The following RNF111 variants were observed in gnomAD, a reference collection of about 807,000 sequenced individuals.
RNF111 encodes the protein E3 ubiquitin-protein ligase Arkadia.
Under a neutral mutation model 95.1 loss-of-function variants are expected in RNF111, and 17 were observed. That is an observed-to-expected ratio of 0.18 (90% CI 0.12 to 0.27). The LOEUF is 0.27. Among genes scored for constraint, RNF111 ranks in the 10% least tolerant of loss-of-function variants. The pLI, the probability that RNF111 is intolerant of heterozygous loss-of-function variation, is 1.00. For synonymous variants in RNF111, 440 were observed against 414.8 expected (o/e 1.06, Z -0.74); for missense variants, 1,189 against 1,210.4 (o/e 0.98, Z 0.26).
chr15:59,093,749 T>G (rs545105658), intron 13 of RNF111, among the ~76,000 whole-genome samples: 29 of 152,148 alleles, frequency 1.9e-4, no homozygotes, highest in Non-Finnish European at 4.1e-4. Flanking sequence ...GTAGTAATAT[T>G]ATTGCCCTAA....
chr15:59,034,716 C>G (rs1282784470), intron 2 of RNF111, among the ~76,000 whole-genome samples: 1 of 152,090 alleles, frequency 6.6e-6, no homozygotes, highest in Admixed American at 6.6e-5. Context: ...TTGAGTGATT[C>G]AAATAAAATG....
intron 5 of RNF111, among the ~76,000 whole-genome samples, chr15:59,062,359 T>G (rs1370512942): frequency 1.3e-5 from 2 of 152,154 alleles, no homozygotes; most frequent in Non-Finnish European, 2.9e-5. Flanking sequence ...GACTTTCATA[T>G]CCAATTGCTT....
intron 5 of RNF111, among the ~76,000 whole-genome samples, chr15:59,062,555 G>A (rs1296883105): frequency 6.6e-6 from 1 of 152,144 alleles, no homozygotes; most frequent in Non-Finnish European, 1.5e-5. Context: ...TAGGCAGTGG[G>A]AACAAAACAG....
Position 59,031,274 on chromosome 15 carries a change from A to T in RNF111, c.452A>T (p.Asp151Val). Residue 151 changes from aspartate to valine, a missense_variant, in exon 2 of 14, where the codon GAT (aspartate) becomes GTT (valine). By Grantham distance (152) the Asp-to-Val change is radical. This residue lies in a region of RNF111 where 1,024 missense variants were observed against 925.9 expected (regional missense o/e 1.11). Coordinates refer to ENST00000348370, the MANE Select transcript of RNF111 (RefSeq NM_017610.8). Reference protein sequence around the residue: ...PSSSLHFGDSDTVTSDEDKEV... With the variant: ...PSSSLHFGDSVTVTSDEDKEV... ...TCTAGTCTGCATTTTGGAGATTCTG[A>T]TACTGTGACTTCAGATGAGGATAAA... The T allele has an allele frequency of 6.2e-7, 1 of 1,614,148 alleles. No individual in the cohort carries two copies. Among genetic ancestry groups the T allele is most frequent in the Non-Finnish European group, 8.5e-7 (1 of 1,180,014 alleles).
Position 59,073,098 on chromosome 15 carries a change from G to T in RNF111, c.1687-2856G>T, listed in dbSNP as rs543409169. On this transcript the variant is annotated intron_variant, in intron 6 of 13. Transcript: ENST00000348370. Reference sequence around the variant, plus strand: ...GAAGTTGGGAGGATTGCTTGAGCTGGGTAGGTGGAGGCTGCAGTGAGCCAC... The same window carrying T: ...GAAGTTGGGAGGATTGCTTGAGCTGTGTAGGTGGAGGCTGCAGTGAGCCAC... Among the ~76,000 whole-genome samples, 6 of 152,212 alleles carry T rather than the reference G, an allele frequency of 3.9e-5. No homozygotes were observed. The South Asian group carries it at 1.2e-3, about 32-fold the overall frequency.
At chr15:59,051,457 C>CAA (rs756009553) in intron 2 of RNF111, among the ~76,000 whole-genome samples, 10 of 96,378 alleles carry the variant, frequency 1.0e-4, no homozygotes, top group African/African-American at 1.5e-4. Flanking sequence ...GACTCTGTCT[C>CAA]AAAAAAAAAA....
chr15:58,988,643 A>G (rs2038675691), intron 1 of RNF111, among the ~76,000 whole-genome samples: 1 of 152,266 alleles, frequency 6.6e-6, no homozygotes, highest in Non-Finnish European at 1.5e-5. Context: ...TGTTCAGTGC[A>G]GCAGAAATAG....
Position 59,090,969 on chromosome 15 carries a change from A to G in RNF111, c.2644-90A>G, listed in dbSNP as rs932645732. 2.9e-5 allele frequency: 22 copies of G among 754,082 alleles called. No homozygotes were observed. The African/African-American group carries it at 3.2e-4, about 11-fold the overall frequency. 46.7% of individuals were successfully genotyped at this position (754,082 alleles called of 1,614,324 possible). A position where few individuals can be genotyped will look rare whatever the true frequency, so the allele number is the denominator to read the frequency against. ...GTATTTATATTGCAAGTTTCTAAGT[A>G]TGGAGGTTTATTTCTTATACAATGT... On this transcript the variant is annotated intron_variant, in intron 11 of 13. Transcript: ENST00000348370.
chr15:59,090,959 G>A, intron 11 of RNF111, 100 bp from the exon 12 acceptor site: 1 of 687,714 alleles, frequency 1.5e-6, no homozygotes, highest in Non-Finnish European at 2.5e-6. Context: ...TATATTGCAA[G>A]TTTCTAAGTA....
chr15:59,086,015 T>C (rs965138612), intron 10 of RNF111, among the ~76,000 whole-genome samples: 6 of 152,142 alleles, frequency 3.9e-5, no homozygotes, highest in Non-Finnish European at 8.8e-5. Flanking sequence ...GTGTGGGGTT[T>C]TTTGTATACC....
At chr15:59,030,756 T>A in intron 1 of RNF111, 48 bp from the exon 2 acceptor site, 1 of 1,323,144 alleles carries the variant, frequency 7.6e-7, no homozygotes. Context: ...TTAAATAGTA[T>A]AATAAAACAC....
At chr15:59,055,556 A>C (rs1406564443) in intron 3 of RNF111, 126 bp from the exon 4 acceptor site, 3 of 598,750 alleles carry the variant, frequency 5.0e-6, no homozygotes, top group Non-Finnish European at 7.6e-6. Context: ...ATTTTTAATT[A>C]CGATTATTTC....
chr15:59,086,086 T>C (rs753302267), intron 10 of RNF111, among the ~76,000 whole-genome samples: 34 of 152,142 alleles, frequency 2.2e-4, no homozygotes, highest in Non-Finnish European at 4.4e-5. Context: ...CCGTAAGTGG[T>C]AATAGATCCG....
In RNF111 at chr15:58,987,700, G is replaced by GGCGGCGGCGGCGGCGAA. The variant is rs762047849; in HGVS notation, c.-373_-357dup. 19 of 178,316 alleles carry GGCGGCGGCGGCGGCGAA rather than the reference G, an allele frequency of 1.1e-4. No homozygotes were observed. The highest frequency in any genetic ancestry group is 3.9e-4 in the Admixed American group (6 of 15,570). The allele number at this position is 178,316 out of a possible 1,614,324, so 11.0% of individuals were successfully genotyped here. A position where few individuals can be genotyped will look rare whatever the true frequency, so the allele number is the denominator to read the frequency against. On this transcript the variant is annotated 5_prime_UTR_variant, in exon 1 of 14. Transcript: ENST00000348370. ...TCCTCGGTAGGGGAGGAATTGGTTA[G>GGCGGCGGCGGCGGCGAA]GCGGCGGCGGCGGCGAAGCGGCGGC...
intron 1 of RNF111, among the ~76,000 whole-genome samples, chr15:59,010,751 T>A (rs1357182800): frequency 6.6e-6 from 1 of 152,130 alleles, no homozygotes; most frequent in Non-Finnish European, 1.5e-5. Flanking sequence ...TAGTTCTCCC[T>A]GCTTGAAGGT....
At chr15:58,993,600 A>G (rs118060408) in intron 1 of RNF111, among the ~76,000 whole-genome samples, 1,656 of 152,328 alleles carry the variant, frequency 0.011, 11 homozygotes, top group Non-Finnish European at 0.018. Flanking sequence ...TCATTTTGAT[A>G]AAAATACAGT....
In RNF111 at chr15:59,059,621, C is replaced by G. The variant is rs559044192; in HGVS notation, c.1366+1071C>G. ...TCTGTTGGTGTCATATCTAAGAAAC[C>G]GTTGCCTAATCCAGGGTCACAAAAA... On this transcript the variant is annotated intron_variant, in intron 5 of 13. Transcript: ENST00000348370. 5.9e-5 allele frequency among the ~76,000 whole-genome samples: 9 copies of G among 152,188 alleles called. No individual in the cohort carries two copies. In the East Asian group the frequency reaches 1.4e-3, roughly 23 times the overall value.
chr15:59,087,965 G>C (rs770072723), intron 10 of RNF111, among the ~76,000 whole-genome samples: 7 of 152,170 alleles, frequency 4.6e-5, no homozygotes, highest in African/African-American at 7.2e-5. Context: ...ATTACGTACG[G>C]TAAGGAAGTG....
intron 6 of RNF111, among the ~76,000 whole-genome samples, chr15:59,070,714 C>T (rs1040175986): frequency 6.6e-5 from 10 of 152,162 alleles, no homozygotes; most frequent in Admixed American, 5.9e-4. Context: ...TGAGTATCAT[C>T]ACACCCCTTT....
Sources: allele counts gnomAD v4.1 joint callset (sites outside exome capture counted in the v4.1 genomes callset), GRCh38; gene constraint gnomAD v4.1.1; regional missense constraint gnomAD v4.1.1; transcripts MANE v1.5; gene names NCBI Gene and HGNC (gene_info 2026-07-23, HGNC 2026-07-21).